The following PPAN variants were observed in gnomAD, a reference collection of about 807,000 sequenced individuals.
PPAN encodes peter pan homolog, also known as suppressor of SWI4 1 homolog.
A neutral mutation model predicts 48.5 loss-of-function variants in PPAN; 39 were observed. That is an observed-to-expected ratio of 0.80 (90% CI 0.62 to 1.05). PPAN has a LOEUF of 1.05. PPAN is among the 50% of genes least tolerant of loss of function. PPAN has a pLI of 0.00. For missense variants in PPAN, 736 were observed against 661.7 expected (o/e 1.11, Z -1.23); for synonymous variants, 315 against 268.6 (o/e 1.17, Z -1.69).
Position 10,110,438 on chromosome 19 carries a change from G to T in PPAN, c.901+36G>T, listed in dbSNP as rs765996535. 1.2e-6 allele frequency: 2 copies of T among 1,612,852 alleles called. No individual in the cohort carries two copies. Among genetic ancestry groups the T allele is most frequent in the South Asian group, 1.1e-5 (1 of 91,058 alleles). On this transcript the variant is annotated intron_variant, in intron 9 of 11. Transcript: ENST00000253107. This position sits in a 1 kb window ranked among gnomAD's most constrained non-coding sequence, Gnocchi z 5.9. ...GGCCGCCGGGGGTGGGGGGTCATGG[G>T]TGTGGAGCTGCACCCGGATCTTGGT... is the stretch of plus-strand genomic sequence containing the variant.
chr19:10,108,898 T>G (rs2088939800), intron 5 of PPAN, among the ~76,000 whole-genome samples: 1 of 152,018 alleles, frequency 6.6e-6, no homozygotes. Context: ...GACTTATAAA[T>G]TATATATAAG....
intron 2 of PPAN, 108 bp from the exon 3 acceptor site, chr19:10,107,397 G>A (rs2088866821): frequency 8.3e-7 from 1 of 1,207,596 alleles, no homozygotes; most frequent in African/African-American, 1.5e-5. Flanking sequence ...TGGGCTTGTT[G>A]AAAGGGTCAG....
In PPAN at chr19:10,108,126, G is replaced by A. The variant is rs770413115; in HGVS notation, c.505G>A (p.Val169Met). ...CCAGAACCTGTTCCCCTCCATCAAC[G>A]TGCACAAGGTGGGTCTGGCCTGGCG... is the stretch of plus-strand genomic sequence containing the variant. Reference protein sequence around the residue: ...MFQNLFPSINVHKVNLNTIKR... With the variant: ...MFQNLFPSINMHKVNLNTIKR... Residue 169 changes from valine to methionine, a missense_variant, in exon 5 of 12, where the codon GTG becomes ATG. Physicochemically the swap from Val to Met is conservative, Grantham distance 21. Transcript: ENST00000253107. 5 of 1,609,628 alleles carry A rather than the reference G, an allele frequency of 3.1e-6. No individual in the cohort carries two copies. Among genetic ancestry groups the A allele is most frequent in the African/African-American group, 1.3e-5 (1 of 74,932 alleles).
chr19:10,108,529 G>A (rs2088923354), intron 5 of PPAN, among the ~76,000 whole-genome samples: 4 of 151,938 alleles, frequency 2.6e-5, no homozygotes, highest in South Asian at 4.1e-4. Flanking sequence ...TGGGAGGATC[G>A]CTTGAAGCCA....
Position 10,110,998 on chromosome 19 carries a change from C to G in PPAN, c.1255C>G (p.Arg419Gly). 1 of 1,613,298 alleles carries G rather than the reference C, an allele frequency of 6.2e-7. No homozygotes were observed. The highest frequency in any genetic ancestry group is 8.5e-7 in the Non-Finnish European group (1 of 1,179,980). ...KRLAKSPGRK[R>G]KRWEMDRGRG... ...GCTTGCCAAGTCTCCAGGGCGGAAG[C>G]GGAAGCGGTGGGAAATGGATCGAGG... Residue 419 changes from arginine (R) to glycine (G), a missense_variant, in exon 12 of 12, where the codon CGG becomes GGG. By Grantham distance (125) the Arg-to-Gly change is moderately radical (BLOSUM62 -2). Coordinates refer to ENST00000253107, the MANE Select transcript of PPAN (RefSeq NM_020230.7). This position sits in a 1 kb window ranked among gnomAD's most constrained non-coding sequence, Gnocchi z 5.9.
rs372386725 is a variant in PPAN at position 10,109,929 on chromosome 19, C to T, written c.607C>T (p.Pro203Ser). Residue 203 changes from proline to serine, a missense_variant, in exon 7 of 12, where the codon CCT (proline) becomes TCT (serine). Transcript: ENST00000253107. ...TTCCTGCAGTAGCATCAAAGTTGTT[C>T]CTGTGGGCGCGAGTCGCGGGATGAA... ...DFRHYSIKVV[P>S]VGASRGMKKL... 4.2e-5 allele frequency: 68 copies of T among 1,613,948 alleles called. No individual in the cohort carries two copies. The highest frequency in any genetic ancestry group is 1.6e-4 in the Middle Eastern group (1 of 6,084).
chr19:10,107,947 T>C lies in PPAN; in HGVS notation c.343-17T>C, dbSNP rs1170875136. 6.3e-7 allele frequency: 1 copy of C among 1,598,960 alleles called. No individual in the cohort carries two copies. The highest frequency in any genetic ancestry group is 8.6e-7 in the Non-Finnish European group (1 of 1,168,764). ...TGTGTGGTTGGTGGTCACCCCCTCC[T>C]CTCTCCTGTCCTACAGTACTCGCTG... On this transcript the variant is annotated splice_polypyrimidine_tract_variant and intron_variant, in intron 4 of 11. Transcript: ENST00000253107.
In PPAN at chr19:10,111,262, A is replaced by C. The variant is rs2089060753; in HGVS notation, c.*97A>C. ...CCTTTCATAAAGGAGTTGTGTCCCC[A>C]GCCCTTCCACTCCAGTAAAGAACTG... is the stretch of plus-strand genomic sequence containing the variant. On this transcript the variant is annotated 3_prime_UTR_variant, in exon 12 of 12. Transcript: ENST00000253107. 4 of 1,323,964 alleles carry C rather than the reference A, an allele frequency of 3.0e-6. No individual in the cohort carries two copies. The highest frequency in any genetic ancestry group is 1.5e-5 in the South Asian group (1 of 65,942). 82.0% of individuals were successfully genotyped at this position (1,323,964 alleles called of 1,614,324 possible). A position where few individuals can be genotyped will look rare whatever the true frequency, so the allele number is the denominator to read the frequency against.
intron 5 of PPAN, 116 bp downstream of exon 5, chr19:10,108,250 T>A: frequency 7.0e-7 from 1 of 1,427,616 alleles, no homozygotes; most frequent in East Asian, 2.4e-5. Context: ...CTCCTGGGTC[T>A]GCTGAGTCCT....
In PPAN at chr19:10,111,156, A is replaced by AGT. The variant is rs908048585; in HGVS notation, c.1415_1416dup (p.Ala473TrpfsTer41). On this transcript the variant is annotated frameshift_variant, in exon 12 of 12. Transcript: ENST00000253107. LOFTEE classifies it high-confidence loss of function. ...GGGGCCGGGGCCGCCCAGGGAAGAG[A>AGT]GTGGCCTGAGCCCAAGCCGCACCGG... 3 of 1,589,364 alleles carry AGT rather than the reference A, an allele frequency of 1.9e-6. No individual in the cohort carries two copies. Among genetic ancestry groups the AGT allele is most frequent in the Non-Finnish European group, 2.6e-6 (3 of 1,169,910 alleles).
chr19:10,111,604 T>C lies in PPAN; in HGVS notation c.*439T>C. 7.5e-7 allele frequency: 1 copy of C among 1,329,040 alleles called. No individual in the cohort carries two copies. The highest frequency in any genetic ancestry group is 1.1e-6 in the Non-Finnish European group (1 of 929,968). The allele number at this position is 1,329,040 out of a possible 1,614,324, so 82.3% of individuals were successfully genotyped here. On this transcript the variant is annotated 3_prime_UTR_variant, in exon 12 of 12. Transcript: ENST00000253107. ...GGTGGAAAGGCACGCTGGCCTGCTC[T>C]GCTGGCTGGGCCAGTAACTGGGGAT...
rs767598332 is a variant in PPAN at position 10,110,654 on chromosome 19, C to T, written c.1031+40C>T. On this transcript the variant is annotated intron_variant, in intron 10 of 11. Transcript: ENST00000253107. The surrounding 1 kb of genome is among the most constrained non-coding windows in gnomAD (Gnocchi z 5.9). ...GGGAAGGGCAGGGCCAAGGGGGGGT[C>T]CCTGGGATGGGCGGCTATGTTGACC... The T allele has an allele frequency of 3.1e-6, 5 of 1,611,024 alleles. No homozygotes were observed. Among genetic ancestry groups the T allele is most frequent in the African/African-American group, 1.3e-5 (1 of 74,770 alleles).
In PPAN at chr19:10,110,148, G is replaced by A; in HGVS notation, c.724G>A (p.Ala242Thr). 2 of 1,610,300 alleles carry A rather than the reference G, an allele frequency of 1.2e-6. No homozygotes were observed. ...GGGCGCGGGGCTGTCGGAGAGCGAG[G>A]CAGAGCCTGACGGCGACCACAACAT... ...ATGAGLSESE[A>T]EPDGDHNITE... The change falls in exon 8 of 12, where the codon GCA becomes ACA. Residue 242 changes from alanine (A) to threonine (T), a missense_variant. Ala to Thr is a moderately conservative substitution (Grantham distance 58, BLOSUM62 0). Transcript: ENST00000253107. The surrounding 1 kb of genome is among the most constrained non-coding windows in gnomAD (Gnocchi z 5.9).
rs1391440022 is a variant in PPAN, at chr19:10,111,320, T to C, written c.*155T>C. 1.1e-6 allele frequency: 1 copy of C among 951,284 alleles called. No homozygotes were observed. Among genetic ancestry groups the C allele is most frequent in the Non-Finnish European group, 1.5e-6 (1 of 659,130 alleles). The allele number at this position is 951,284 out of a possible 1,614,324, so 58.9% of individuals were successfully genotyped here. On this transcript the variant is annotated 3_prime_UTR_variant, in exon 12 of 12. Transcript: ENST00000253107. ...CAGGGGTCCACGTCAGCGTTTGGGA[T>C]GGGGGATTCTGGAGCCATACAAAGC...
chr19:10,109,912 G>T lies in PPAN; in HGVS notation c.591-1G>T. ...CTTGCCGTCCACTCATGTTCCTGCA[G>T]TAGCATCAAAGTTGTTCCTGTGGGC... is the stretch of plus-strand genomic sequence containing the variant. On this transcript the variant is annotated splice_acceptor_variant, in intron 6 of 11. Coordinates refer to ENST00000253107, the MANE Select transcript of PPAN (RefSeq NM_020230.7). LOFTEE classifies it high-confidence loss of function. The T allele has an allele frequency of 6.2e-7, 1 of 1,614,004 alleles. No individual in the cohort carries two copies. Among genetic ancestry groups the T allele is most frequent in the African/African-American group, 1.3e-5 (1 of 75,066 alleles).
In PPAN at chr19:10,111,342, A is replaced by G. The variant is rs1320486315; in HGVS notation, c.*177A>G. On this transcript the variant is annotated 3_prime_UTR_variant, in exon 12 of 12. Transcript: ENST00000253107. ...GGATGGGGGATTCTGGAGCCATACA[A>G]AGCAACCCAGAGAGTCCTGGGCCGG... 3.6e-6 allele frequency: 3 copies of G among 843,180 alleles called. No individual in the cohort carries two copies. The highest frequency in any genetic ancestry group is 5.3e-5 in the East Asian group (2 of 37,396). The allele number at this position is 843,180 out of a possible 1,614,324, so 52.2% of individuals were successfully genotyped here. A position where few individuals can be genotyped will look rare whatever the true frequency, so the allele number is the denominator to read the frequency against.
Position 10,107,529 on chromosome 19 carries a change from G to C in PPAN, c.214G>C (p.Asp72His). The C allele has an allele frequency of 1.9e-6, 3 of 1,614,046 alleles. No individual in the cohort carries two copies. The highest frequency in any genetic ancestry group is 2.5e-6 in the Non-Finnish European group (3 of 1,180,018). Residue 72 changes from aspartate to histidine, a missense_variant, in exon 3 of 12, where the codon GAC becomes CAC. Physicochemically the swap from Asp to His is moderately conservative, Grantham distance 81 (BLOSUM62 -1). Coordinates refer to ENST00000253107, the MANE Select transcript of PPAN (RefSeq NM_020230.7). ...GGTTCGTAAGAAGAACTCGCTGAAG[G>C]ACTGCGTGGCAGTGGCTGGGCCCCT... ...LQVRKKNSLK[D>H]CVAVAGPLGV...
upstream of PPAN, chr19:10,106,301 T>G: frequency 2.0e-6 from 3 of 1,535,302 alleles, no homozygotes; most frequent in South Asian, 2.4e-5. Flanking sequence ...CCGCCTGATG[T>G]CGTCCCACGC....
At chr19:10,106,266 C>T (rs1195181632), upstream of PPAN, 4 of 1,471,748 alleles carry the variant, frequency 2.7e-6, no homozygotes, top group East Asian at 2.5e-5. Context: ...CCTCCCCGCT[C>T]CCAGAGGCCA....
Sources: allele counts gnomAD v4.1 joint callset (sites outside exome capture counted in the v4.1 genomes callset), GRCh38; gene constraint gnomAD v4.1.1; non-coding constraint Gnocchi (gnomAD v3.1); transcripts MANE v1.5; gene names NCBI Gene and HGNC (gene_info 2026-07-23, HGNC 2026-07-21).